HMCN1: variants seen among roughly 807,000 people sequenced by gnomAD.
The protein encoded by HMCN1 is hemicentin 1.
HMCN1 carries 321 observed loss-of-function variants against 625.9 expected under a neutral mutation model. The ratio of observed to expected loss-of-function variants is 0.51; its 90% CI spans 0.47 to 0.56. HMCN1 has a LOEUF of 0.56. Among genes scored for constraint, HMCN1 ranks in the 20% least tolerant of loss-of-function variants. The probability of loss-of-function intolerance (pLI) is 0.00; values close to 1 mark genes in which losing one functional copy is unlikely to be tolerated. For synonymous variants in HMCN1, 2,425 were observed against 2,417.6 expected (o/e 1.00, Z -0.09); for missense variants, 6,588 against 6,887.3 (o/e 0.96, Z 1.54).
intron 27 of HMCN1, 62 bp from the exon 28 acceptor site, chr1:186,001,532 A>C (rs1653199020): frequency 6.2e-7 from 1 of 1,605,076 alleles, no homozygotes. Flanking sequence ...ATTCTACTTC[A>C]ATTTTTAATT....
At chr1:185,885,517 G>C (rs547545265) in intron 4 of HMCN1, among the ~76,000 whole-genome samples, 31 of 142,512 alleles carry the variant, frequency 2.2e-4, no homozygotes, top group African/African-American at 8.2e-4. Flanking sequence ...ATTTCCTGAC[G>C]TTTTTTTTTT....
intron 9 of HMCN1, among the ~76,000 whole-genome samples, chr1:185,926,345 G>GTTT (rs1192273865): frequency 6.6e-6 from 1 of 152,126 alleles, no homozygotes; most frequent in Non-Finnish European, 1.5e-5. Context: ...TACTCTTAAA[G>GTTT]ATTAAACTGT....
intron 1 of HMCN1, among the ~76,000 whole-genome samples, chr1:185,829,257 T>C (rs1020833993): frequency 1.3e-5 from 2 of 151,704 alleles, no homozygotes; most frequent in East Asian, 3.9e-4. Flanking sequence ...GGCTCACACC[T>C]GTAACCCCAG....
chr1:185,748,597 CTTGACAAAGTAAAATT>C (rs1654590431), intron 1 of HMCN1, among the ~76,000 whole-genome samples: 1 of 152,088 alleles, frequency 6.6e-6, no homozygotes, highest in African/African-American at 2.4e-5. Flanking sequence ...TTTGATTTAT[CTTGACAAAGTAAAATT>C]TAGTAGAGTT....
rs191863156 is a variant in HMCN1 at position 185,851,227 on chromosome 1, G to C, written c.339+5131G>C. On this transcript the variant is annotated intron_variant, in intron 2 of 106. Coordinates refer to ENST00000271588, the MANE Select transcript of HMCN1 (RefSeq NM_031935.3). ...CACAAAATCACTGATATCAAAAGAAGCAAGTATTGTTATCCTATTAAACTA... is the reference window on the plus strand; with the variant it reads ...CACAAAATCACTGATATCAAAAGAACCAAGTATTGTTATCCTATTAAACTA... 9.2e-4 allele frequency among the ~76,000 whole-genome samples: 140 copies of C among 152,108 alleles called. 3 individuals are homozygous for C. The highest frequency in any genetic ancestry group is 2.4e-3 in the Admixed American group (36 of 15,278).
At position 185,984,058 on chromosome 1, in the gene HMCN1, G is replaced by T. The variant is rs969069732; in HGVS notation, c.2791-111G>T. On this transcript the variant is annotated intron_variant, in intron 18 of 106. Coordinates refer to ENST00000271588, the MANE Select transcript of HMCN1 (RefSeq NM_031935.3). ...TCACTTAAGGACATTAGAATATTTT[G>T]TTTATAGACTTTTAGTAACCCAGTT... The T allele has an allele frequency of 1.0e-5, 8 of 766,638 alleles. No homozygotes were observed. In the African/African-American group the frequency reaches 1.1e-4, roughly 10 times the overall value. 47.5% of individuals were successfully genotyped at this position (766,638 alleles called of 1,614,324 possible).
At chr1:185,864,803 T>C (rs1372010826) in intron 3 of HMCN1, among the ~76,000 whole-genome samples, 175 bp downstream of exon 3, 5 of 152,228 alleles carry the variant, frequency 3.3e-5, no homozygotes, top group Non-Finnish European at 7.3e-5. Context: ...ATATATGTGA[T>C]ATTTATACAT....
intron 56 of HMCN1, among the ~76,000 whole-genome samples, chr1:186,082,471 A>G (rs562157990): frequency 1.3e-5 from 2 of 152,152 alleles, no homozygotes; most frequent in Admixed American, 6.5e-5. Context: ...GCACGAGTGA[A>G]CAGGCTTCAG....
At chr1:185,944,596 G>T (rs1471444501) in intron 11 of HMCN1, among the ~76,000 whole-genome samples, 1 of 152,164 alleles carries the variant, frequency 6.6e-6, no homozygotes, top group Non-Finnish European at 1.5e-5. Flanking sequence ...GAGCTTTATA[G>T]AATGGCCCAG....
chr1:185,964,000 A>G (rs1183715944), intron 13 of HMCN1, 105 bp downstream of exon 13: 2 of 905,810 alleles, frequency 2.2e-6, no homozygotes, highest in Non-Finnish European at 3.6e-6. Context: ...CATACATGGT[A>G]TTATACTTTA....
Position 185,923,727 on chromosome 1 carries a change from G to A in HMCN1, c.1285+74G>A, listed in dbSNP as rs753081753. On this transcript the variant is annotated intron_variant, in intron 8 of 106. Coordinates refer to ENST00000271588, the MANE Select transcript of HMCN1 (RefSeq NM_031935.3). ...TGATGTTGTCCCATAGGTAAATAACGGACTATCAAATAAAAAATAATGTCT... is the reference window on the plus strand; with the variant it reads ...TGATGTTGTCCCATAGGTAAATAACAGACTATCAAATAAAAAATAATGTCT... The A allele has an allele frequency of 6.5e-5, 79 of 1,223,476 alleles. No individual in the cohort carries two copies. The Middle Eastern group carries it at 6.9e-4, about 11-fold the overall frequency. The allele number at this position is 1,223,476 out of a possible 1,614,324, so 75.8% of individuals were successfully genotyped here.
intron 1 of HMCN1, among the ~76,000 whole-genome samples, chr1:185,802,833 G>GT (rs1328996996): frequency 6.6e-6 from 1 of 152,102 alleles, no homozygotes; most frequent in Non-Finnish European, 1.5e-5. Flanking sequence ...CAAGTTGTCT[G>GT]TAAGTGGGGG....
In HMCN1 at chr1:185,965,931, A is replaced by T. The variant is rs1241998196; in HGVS notation, c.2212+16A>T. On this transcript the variant is annotated intron_variant, in intron 14 of 106. Transcript: ENST00000271588. ...TGGTTCAAAGGTACATTTCTTCAATATGTTTGTGTCTGGTTCACTTAGTTT... is the reference window on the plus strand; with the variant it reads ...TGGTTCAAAGGTACATTTCTTCAATTTGTTTGTGTCTGGTTCACTTAGTTT... The T allele has an allele frequency of 7.6e-7, 1 of 1,321,512 alleles. No individual in the cohort carries two copies. Among genetic ancestry groups the T allele is most frequent in the South Asian group, 1.2e-5 (1 of 85,410 alleles). The allele number at this position is 1,321,512 out of a possible 1,614,324, so 81.9% of individuals were successfully genotyped here.
chr1:185,989,352 C>T (rs1652243322), intron 20 of HMCN1, 136 bp from the exon 21 acceptor site: 6 of 1,009,212 alleles, frequency 5.9e-6, no homozygotes, highest in South Asian at 5.6e-5. Flanking sequence ...TTCAAGTTAG[C>T]ATTTTAAAAT....
At position 186,003,786 on chromosome 1, in the gene HMCN1, C is replaced by A. The variant is rs947492247; in HGVS notation, c.4417C>A (p.Leu1473Ile). 2 of 1,612,742 alleles carry A rather than the reference C, an allele frequency of 1.2e-6. No individual in the cohort carries two copies. Among genetic ancestry groups the A allele is most frequent in the African/African-American group, 2.7e-5 (2 of 74,814 alleles). The change falls in exon 29 of 107, where the codon CTT becomes ATT. Residue 1473 changes from leucine to isoleucine, a missense_variant. Transcript: ENST00000271588. ...VSVVLNRDVA[L>I]ECQVKGTPFP... Reference sequence around the variant, plus strand: ...AGTTGTCCTCAACCGTGACGTCGCCCTTGAATGCCAGGTCAAAGGCACTCC... The same window carrying A: ...AGTTGTCCTCAACCGTGACGTCGCCATTGAATGCCAGGTCAAAGGCACTCC...
intron 1 of HMCN1, among the ~76,000 whole-genome samples, chr1:185,818,345 C>A (rs1438147470): frequency 1.3e-5 from 2 of 152,108 alleles, no homozygotes; most frequent in African/African-American, 2.4e-5. Flanking sequence ...TTTCCTTCAC[C>A]TATCAATTTA....
intron 32 of HMCN1, 113 bp downstream of exon 32, chr1:186,016,352 C>G: frequency 1.0e-6 from 1 of 976,330 alleles, no homozygotes; most frequent in Non-Finnish European, 1.5e-6. Context: ...AGGTATAGTC[C>G]TCTGTGCAAC....
At chr1:186,141,953 A>G (rs1203332577) in intron 89 of HMCN1, among the ~76,000 whole-genome samples, 1 of 152,174 alleles carries the variant, frequency 6.6e-6, no homozygotes, top group Admixed American at 6.5e-5. Flanking sequence ...TTGAGTTATA[A>G]TATTTTGCAT....
chr1:186,110,982 T>TTTTTTTTTTTTTTTTTTTTTTG (rs1660852888), intron 71 of HMCN1, among the ~76,000 whole-genome samples: 1 of 93,992 alleles, frequency 1.1e-5, no homozygotes, highest in Non-Finnish European at 2.1e-5. Flanking sequence ...AAATTCTTTT[T>TTTTTTTTTTTTTTTTTTTTTTG]TTTTTTTTTT....
Sources: allele counts gnomAD v4.1 joint callset (sites outside exome capture counted in the v4.1 genomes callset), GRCh38; gene constraint gnomAD v4.1.1; transcripts MANE v1.5; gene names NCBI Gene and HGNC (gene_info 2026-07-23, HGNC 2026-07-21).